Variants in DMBT1 observed in about 807,000 individuals in gnomAD.
DMBT1 encodes the protein scavenger receptor cysteine-rich domain-containing protein DMBT1.
Under a neutral mutation model 252.9 loss-of-function variants are expected in DMBT1, and 198 were observed. The ratio of observed to expected loss-of-function variants is 0.78; its 90% confidence interval spans 0.70 to 0.88. The LOEUF (loss-of-function observed/expected upper bound fraction) is 0.88. Ranked by LOEUF, DMBT1 falls within the 40% of genes least tolerant of loss-of-function variation. DMBT1 has a pLI of 0.00. For synonymous variants in DMBT1, 990 were observed against 942.7 expected, an observed-to-expected ratio of 1.05 and a Z score of -0.92; for missense variants, 2,432 against 2,404.7, an observed-to-expected ratio of 1.01 and a Z score of -0.24.
intron 7 of DMBT1, 55 bp downstream of exon 7, chr10:122,576,777 CA>C (rs2097716108): frequency 1.2e-6 from 2 of 1,604,284 alleles, no homozygotes; most frequent in African/African-American, 2.7e-5. Flanking sequence ...CTTTAATCCC[CA>C]CACTTTGGGA....
At position 122,630,286 on chromosome 10, in the gene DMBT1, A is replaced by T; in HGVS notation, c.5823-2A>T. ...TGACTTGAATACATTTTCTCCATAC[A>T]GATTGGAGGCACACCATAACTGCAG... On this transcript the variant is annotated splice_acceptor_variant, in intron 47 of 55. Transcript: ENST00000338354. LOFTEE classifies it high-confidence loss of function. 1 of 1,612,512 alleles carries T rather than the reference A, an allele frequency of 6.2e-7. No homozygotes were observed. The highest frequency in any genetic ancestry group is 2.2e-5 in the East Asian group (1 of 44,844).
chr10:122,639,274 G>C (rs566594348), intron 54 of DMBT1, among the ~76,000 whole-genome samples: 3 of 152,342 alleles, frequency 2.0e-5, no homozygotes, highest in South Asian at 2.1e-4. Context: ...GCACTTGAGA[G>C]CATCTTTGAA....
chr10:122,617,354 T>C (rs1217571954), intron 40 of DMBT1, 94 bp downstream of exon 40: 5 of 1,429,302 alleles, frequency 3.5e-6, no homozygotes, highest in Non-Finnish European at 3.9e-6. Flanking sequence ...TGGGCCCCTC[T>C]CTTTTCATGT....
intron 1 of DMBT1, among the ~76,000 whole-genome samples, chr10:122,561,666 TTC>T (rs551706009): frequency 2.7e-4 from 40 of 149,626 alleles, no homozygotes; most frequent in Admixed American, 7.4e-4. Context: ...CTGTCTGTGT[TTC>T]TCTCTCTCTC....
chr10:122,565,447 G>A lies in DMBT1; in HGVS notation c.62-520G>A, dbSNP rs186121155. Among the ~76,000 whole-genome samples the A allele has an allele frequency of 1.9e-3, 296 of 152,318 alleles. 1 individual carries two copies. The Middle Eastern group carries it at 0.024, about 12-fold the overall frequency. On this transcript the variant is annotated intron_variant, in intron 1 of 55. Transcript: ENST00000338354. ...AAACTCAAAAGCTACAGTTGAGTCC[G>A]ATGGACCTTGTCTGGCCTCACTGAA...
chr10:122,566,086 G>A, intron 2 of DMBT1, 90 bp downstream of exon 2: 2 of 1,399,630 alleles, frequency 1.4e-6, no homozygotes. Flanking sequence ...CACAGCTGAG[G>A]TCACAGAGCA....
In DMBT1 at chr10:122,621,273, A is replaced by T; in HGVS notation, c.5501A>T (p.Asp1834Val). The T allele has an allele frequency of 1.9e-6, 3 of 1,613,768 alleles. No homozygotes were observed. The highest frequency in any genetic ancestry group is 2.5e-6 in the Non-Finnish European group (3 of 1,179,742). Reference protein sequence around the residue: ...FGQGSGPIVLDDVRCSGNESY... With the variant: ...FGQGSGPIVLVDVRCSGNESY... Reference sequence around the variant, plus strand: ...CAGGGCTCAGGACCCATTGTCCTGGATGATGTGCGCTGCTCAGGGAATGAG... The same window carrying T: ...CAGGGCTCAGGACCCATTGTCCTGGTTGATGTGCGCTGCTCAGGGAATGAG... Residue 1834 changes from aspartate to valine, a missense_variant, in exon 44 of 56, where the codon GAT (aspartate) becomes GTT (valine). By Grantham distance (152) the Asp-to-Val change is radical (BLOSUM62 -3). Transcript: ENST00000338354.
At chr10:122,637,699 A>G (rs1280241264) in intron 54 of DMBT1, among the ~76,000 whole-genome samples, 2 of 152,204 alleles carry the variant, frequency 1.3e-5, no homozygotes, top group Non-Finnish European at 2.9e-5. Context: ...AAAGAATGCA[A>G]TATCTATGAA....
At chr10:122,627,613 C>T (rs574535452) in intron 46 of DMBT1, among the ~76,000 whole-genome samples, 2 of 152,220 alleles carry the variant, frequency 1.3e-5, no homozygotes, top group East Asian at 3.9e-4. Context: ...TGACTATATA[C>T]AATAGCATAT....
Position 122,586,282 on chromosome 10 carries a change from T to G in DMBT1, c.1682T>G (p.Val561Gly). ...TCAGGACCCATTGTCCTGGATGACG[T>G]GCGCTGCTCAGGGAATGAGTCCTAC... is the stretch of plus-strand genomic sequence containing the variant. ...QGSGPIVLDD[V>G]RCSGNESYLW... The change falls in exon 16 of 56, where the codon GTG becomes GGG. Residue 561 changes from valine to glycine, a missense_variant. Physicochemically the swap from Val to Gly is moderately radical, Grantham distance 109. Coordinates refer to ENST00000338354, the MANE Select transcript of DMBT1 (RefSeq NM_001377530.1). 1.9e-6 allele frequency: 3 copies of G among 1,588,702 alleles called. 1 individual carries two copies. The highest frequency in any genetic ancestry group is 2.6e-6 in the Non-Finnish European group (3 of 1,165,842).
At chr10:122,634,897 C>A (rs2098213925) in intron 52 of DMBT1, among the ~76,000 whole-genome samples, 1 of 152,342 alleles carries the variant, frequency 6.6e-6, no homozygotes, top group Middle Eastern at 3.4e-3. Context: ...AGGGGCTACA[C>A]TAATTTCTTC....
intron 52 of DMBT1, among the ~76,000 whole-genome samples, chr10:122,635,084 G>A (rs529278798): frequency 6.6e-6 from 1 of 152,330 alleles, no homozygotes; most frequent in South Asian, 2.1e-4. Flanking sequence ...ATGGGAAAAG[G>A]TTGACCATGA....
chr10:122,593,626 T>C (rs2097871958), intron 21 of DMBT1, 28 bp downstream of exon 21: 1 of 1,583,068 alleles, frequency 6.3e-7, no homozygotes, highest in Non-Finnish European at 8.6e-7. Context: ...TTCCTCAAAA[T>C]GTCCCTTCTC....
chr10:122,629,318 G>A (rs914299251), intron 46 of DMBT1, among the ~76,000 whole-genome samples: 1 of 152,220 alleles, frequency 6.6e-6, no homozygotes, highest in Non-Finnish European at 1.5e-5. Flanking sequence ...TCCAGATCAT[G>A]GAGCTGATAG....
intron 44 of DMBT1, among the ~76,000 whole-genome samples, chr10:122,623,322 T>C: frequency 6.6e-6 from 1 of 152,254 alleles, no homozygotes; most frequent in East Asian, 1.9e-4. Context: ...GACATATGGG[T>C]TGCTTCCATC....
intron 17 of DMBT1, among the ~76,000 whole-genome samples, chr10:122,589,823 T>C (rs1189762917): frequency 6.7e-6 from 1 of 148,500 alleles, no homozygotes; most frequent in East Asian, 2.1e-4. Context: ...AACTCACCCC[T>C]GATCAGGGAG....
At chr10:122,562,292 T>C (rs1486757996) in intron 1 of DMBT1, among the ~76,000 whole-genome samples, 1 of 152,110 alleles carries the variant, frequency 6.6e-6, no homozygotes, top group African/African-American at 2.4e-5. Flanking sequence ...CTTCTGGAAC[T>C]GTCACTCTCC....
At chr10:122,626,035 G>A (rs2098116727) in intron 46 of DMBT1, 70 bp downstream of exon 46, 12 of 1,333,588 alleles carry the variant, frequency 9.0e-6, no homozygotes, top group African/African-American at 2.9e-5. Flanking sequence ...CTATCCATGA[G>A]CGAATGCTCT....
At chr10:122,633,165 G>A (rs200249974) in intron 51 of DMBT1, 26 bp from the exon 52 acceptor site, 99 of 1,612,534 alleles carry the variant, frequency 6.1e-5, no homozygotes, top group South Asian at 3.9e-4. Context: ...GGGGGTCACC[G>A]ACATTCCCAC....
Sources: gnomAD v4.1 joint callset for allele counts (sites outside exome capture counted in the v4.1 genomes callset) on GRCh38, gnomAD v4.1.1 for gene constraint, MANE v1.5 for transcripts, NCBI Gene and HGNC (gene_info 2026-07-23, HGNC 2026-07-21) for gene names.